The following SRGAP1 variants were observed in gnomAD, a reference collection of about 807,000 sequenced individuals.
SRGAP1 encodes SLIT-ROBO Rho GTPase activating protein 1, also known as SLIT-ROBO Rho GTPase-activating protein 1.
A neutral mutation model predicts 121.9 loss-of-function variants in SRGAP1; 43 were observed. That is an observed-to-expected ratio of 0.35 (90% CI 0.28 to 0.46). The LOEUF (loss-of-function observed/expected upper bound fraction) is 0.46. SRGAP1 is among the 20% of genes least tolerant of loss of function. The pLI is 1.00. For synonymous variants in SRGAP1, 447 were observed against 485.4 expected, an observed-to-expected ratio of 0.92 and a Z score of 1.04; for missense variants, 1,102 against 1,350.9, an observed-to-expected ratio of 0.82 and a Z score of 2.89.
intron 4 of SRGAP1, among the ~76,000 whole-genome samples, chr12:64,041,429 G>C (rs867901745): frequency 6.6e-6 from 1 of 151,480 alleles, no homozygotes; most frequent in Admixed American, 6.6e-5. Context: ...CTGTCACCCA[G>C]GCTGGAGTGC....
intron 1 of SRGAP1, among the ~76,000 whole-genome samples, chr12:63,852,508 C>T (rs917002806): frequency 2.6e-5 from 4 of 152,126 alleles, no homozygotes; most frequent in Non-Finnish European, 5.9e-5. Context: ...AGATTCCCAG[C>T]TCATTATAAG....
In SRGAP1 at chr12:64,029,500, A is replaced by G. The variant is rs7953052; in HGVS notation, c.489+12488A>G. On this transcript the variant is annotated intron_variant, in intron 4 of 21. Coordinates refer to ENST00000355086, the MANE Select transcript of SRGAP1 (RefSeq NM_020762.4). ...GGCACCAGACTACATAGAGATCTCTATGGCTCTGGGCAAGCATGGAACCAC... is the reference window on the plus strand; with the variant it reads ...GGCACCAGACTACATAGAGATCTCTGTGGCTCTGGGCAAGCATGGAACCAC... Among the ~76,000 whole-genome samples the G allele has an allele frequency of 2.6e-3, 393 of 152,250 alleles. 2 individuals are homozygous for G. Among genetic ancestry groups the G allele is most frequent in the African/African-American group, 8.8e-3 (364 of 41,548 alleles).
intron 1 of SRGAP1, among the ~76,000 whole-genome samples, chr12:63,981,867 T>G (rs2033261662): frequency 6.6e-6 from 1 of 152,168 alleles, no homozygotes; most frequent in Admixed American, 6.5e-5. Context: ...TTTGCCGGTA[T>G]GCAAGCCTGG....
intron 1 of SRGAP1, among the ~76,000 whole-genome samples, chr12:63,886,352 G>A (rs982138710): frequency 1.4e-4 from 21 of 149,218 alleles, no homozygotes; most frequent in African/African-American, 5.2e-4. Flanking sequence ...ATGAGCCATC[G>A]TGCCTGGCCA....
chr12:63,945,857 T>C (rs969211970), intron 1 of SRGAP1, among the ~76,000 whole-genome samples: 1 of 152,164 alleles, frequency 6.6e-6, no homozygotes, highest in African/African-American at 2.4e-5. Flanking sequence ...GACTGAGTAC[T>C]TCAGTCCCAG....
At chr12:63,921,021 C>T (rs1465340672) in intron 1 of SRGAP1, among the ~76,000 whole-genome samples, 1 of 151,912 alleles carries the variant, frequency 6.6e-6, no homozygotes, top group African/African-American at 2.4e-5. Flanking sequence ...TTTTTTGTCC[C>T]ACCCTTGAAC....
Position 64,145,487 on chromosome 12 carries a change from A to G in SRGAP1, c.*2815A>G, listed in dbSNP as rs1264137921. On this transcript the variant is annotated 3_prime_UTR_variant, in exon 22 of 22. Coordinates refer to ENST00000355086, the MANE Select transcript of SRGAP1 (RefSeq NM_020762.4). The stretch of plus-strand genomic sequence containing the variant: ...TGCCTTGTTTCAGGAAACAGCTCCT[A>G]ATACTCTCCCATCACTCACTTTACC... The G allele has an allele frequency of 6.6e-6, 1 of 151,772 alleles. No homozygotes were observed. The highest frequency in any genetic ancestry group is 6.6e-5 in the Admixed American group (1 of 15,262). The allele number at this position is 151,772 out of a possible 1,614,324, so 9.4% of individuals were successfully genotyped here.
At chr12:64,059,647 G>A (rs1160880588) in intron 6 of SRGAP1, among the ~76,000 whole-genome samples, 5 of 152,016 alleles carry the variant, frequency 3.3e-5, no homozygotes, top group South Asian at 2.1e-4. Context: ...TTTCATTAAC[G>A]CAAATTTCCT....
At chr12:63,993,858 TAA>T (rs5798721) in intron 3 of SRGAP1, among the ~76,000 whole-genome samples, 21 of 139,062 alleles carry the variant, frequency 1.5e-4, no homozygotes, top group Admixed American at 1.4e-4. Flanking sequence ...TTCAACAGGT[TAA>T]AAAAAAAAAA....
intron 21 of SRGAP1, among the ~76,000 whole-genome samples, chr12:64,139,149 A>G (rs2036916215): frequency 6.6e-6 from 1 of 152,206 alleles, no homozygotes; most frequent in Admixed American, 6.5e-5. Flanking sequence ...GATACCTAAT[A>G]TGTCTGACCC....
chr12:63,984,921 C>A (rs1273173117), intron 2 of SRGAP1, among the ~76,000 whole-genome samples: 5 of 150,432 alleles, frequency 3.3e-5, no homozygotes, highest in Non-Finnish European at 7.4e-5. Flanking sequence ...GAGGCTGAGG[C>A]AGGAGAATAG....
intron 1 of SRGAP1, among the ~76,000 whole-genome samples, chr12:63,972,488 A>G (rs2032981108): frequency 6.6e-6 from 1 of 152,198 alleles, no homozygotes; most frequent in Admixed American, 6.5e-5. Context: ...GGGAGTGGAG[A>G]AGGCAAACCA....
intron 6 of SRGAP1, among the ~76,000 whole-genome samples, chr12:64,059,996 A>G (rs763391694): frequency 6.6e-6 from 1 of 151,890 alleles, no homozygotes; most frequent in East Asian, 1.9e-4. Flanking sequence ...CCCAAAAGAC[A>G]TGGTTGCAGG....
At chr12:63,855,617 A>G (rs1899223795) in intron 1 of SRGAP1, among the ~76,000 whole-genome samples, 1 of 150,182 alleles carries the variant, frequency 6.7e-6, no homozygotes. Context: ...CAGCTTCCCA[A>G]GTAGGGACTA....
chr12:64,088,817 C>T (rs137930186), intron 11 of SRGAP1, among the ~76,000 whole-genome samples: 40 of 152,276 alleles, frequency 2.6e-4, no homozygotes, highest in Non-Finnish European at 5.7e-4. Context: ...CATTACCCTG[C>T]GTCTCCCAGT....
Position 64,079,056 on chromosome 12 carries a change from T to G in SRGAP1, c.1263T>G (p.Ser421Arg). ...VKSTVSETYL[S>R]KPSIAKRRAN... ...CCACTGTCTCTGAAACCTACCTGAG[T>G]AAACCCAGCATCGCCAAGAGAAGAG... Residue 421 changes from serine (S) to arginine (R), a missense_variant, in exon 9 of 22, where the codon AGT (serine) becomes AGG (arginine). By Grantham distance (110) the Ser-to-Arg change is moderately radical (BLOSUM62 -1). Transcript: ENST00000355086. 1 of 1,614,030 alleles carries G rather than the reference T, an allele frequency of 6.2e-7. No homozygotes were observed. Among genetic ancestry groups the G allele is most frequent in the South Asian group, 1.1e-5 (1 of 91,068 alleles).
intron 14 of SRGAP1, among the ~76,000 whole-genome samples, chr12:64,096,478 T>C (rs2036157065): frequency 6.6e-6 from 1 of 152,210 alleles, no homozygotes; most frequent in Non-Finnish European, 1.5e-5. Context: ...AAGGATTTTA[T>C]CTCTAGAGGA....
chr12:64,136,465 G>T (rs2036857887), intron 21 of SRGAP1, among the ~76,000 whole-genome samples: 1 of 152,104 alleles, frequency 6.6e-6, no homozygotes, highest in African/African-American at 2.4e-5. Context: ...TATCACTGAA[G>T]TTTAAAAACT....
At chr12:63,955,318 C>T (rs2032430197) in intron 1 of SRGAP1, among the ~76,000 whole-genome samples, 1 of 150,968 alleles carries the variant, frequency 6.6e-6, no homozygotes, top group African/African-American at 2.4e-5. Flanking sequence ...GACTCTGCCT[C>T]AAGAAAAAAA....
Sources: allele counts gnomAD v4.1 joint callset (sites outside exome capture counted in the v4.1 genomes callset), GRCh38; gene constraint gnomAD v4.1.1; transcripts MANE v1.5; gene names NCBI Gene and HGNC (gene_info 2026-07-23, HGNC 2026-07-21).